Variants in TFCP2 observed in about 807,000 individuals in gnomAD.
TFCP2 encodes the protein transcription factor CP2.
Under a neutral mutation model 73.4 loss-of-function variants are expected in TFCP2, and 33 were observed. The ratio of observed to expected loss-of-function variants is 0.45; its 90% CI spans 0.34 to 0.60. The LOEUF (loss-of-function observed/expected upper bound fraction) is 0.60, where lower values mean the gene tolerates loss of function less well. TFCP2 is among the 20% of genes least tolerant of loss of function. The pLI, the probability that TFCP2 is intolerant of heterozygous loss-of-function variation, is 0.01. For missense variants in TFCP2, 352 were observed against 604.0 expected, an observed-to-expected ratio of 0.58 and a Z score of 4.37; for synonymous variants, 193 against 211.6, an observed-to-expected ratio of 0.91 and a Z score of 0.76.
At position 51,136,330 on chromosome 12, in the gene TFCP2, G is replaced by A. The variant is rs944873052; in HGVS notation, c.123-17558C>T. On this transcript the variant is annotated intron_variant, in intron 1 of 14. Transcript: ENST00000257915. ...AAAAAAAAAAAAAGAAAAAGAAAAA[G>A]AAGGTTCCCTGACGGAGCATAACAT... Among the ~76,000 whole-genome samples, 16 of 150,176 alleles carry A rather than the reference G, an allele frequency of 1.1e-4. No homozygotes were observed. The East Asian group carries it at 3.1e-3, about 29-fold the overall frequency.
At chr12:51,098,638 T>G in intron 13 of TFCP2, 138 bp downstream of exon 13, 1 of 939,378 alleles carries the variant, frequency 1.1e-6, no homozygotes, top group African/African-American at 1.7e-5. Context: ...AAAAAAAAAA[T>G]TAGGAGGAAA....
At chr12:51,154,539 C>T (rs755327832) in intron 1 of TFCP2, among the ~76,000 whole-genome samples, 3 of 152,030 alleles carry the variant, frequency 2.0e-5, no homozygotes, top group Non-Finnish European at 4.4e-5. Flanking sequence ...ATTAAAAATA[C>T]AGAAATTAGC....
chr12:51,114,476 G>A (rs1940472363), intron 4 of TFCP2, among the ~76,000 whole-genome samples: 1 of 151,794 alleles, frequency 6.6e-6, no homozygotes, highest in Admixed American at 6.6e-5. Flanking sequence ...GTGGTGGCGG[G>A]CACCTGTAAT....
Position 51,098,791 on chromosome 12 carries a change from C to G in TFCP2, c.1404G>C (p.Val468=). 6.2e-7 allele frequency: 1 copy of G among 1,614,126 alleles called. No homozygotes were observed. Among genetic ancestry groups the G allele is most frequent in the South Asian group, 1.1e-5 (1 of 91,082 alleles). ...IYKQGPTGIH[V]LISDEMIQNF... is the part of the protein sequence containing the mutation. Reference sequence around the variant, plus strand: ...AAAAATCTACCTCATCACTGATGAGCACATGAATTCCTGTTGGCCCCTGCT... The same window carrying G: ...AAAAATCTACCTCATCACTGATGAGGACATGAATTCCTGTTGGCCCCTGCT... Residue 468 remains valine (V), a synonymous_variant, in exon 13 of 15, where the codon GTG becomes GTC. Transcript: ENST00000257915.
intron 1 of TFCP2, among the ~76,000 whole-genome samples, chr12:51,168,160 C>G (rs1941791992): frequency 6.6e-6 from 1 of 152,110 alleles, no homozygotes. Context: ...CTTTGGGAGG[C>G]CAAGGGGGAA....
At chr12:51,105,100 CT>C (rs1158270093) in intron 8 of TFCP2, among the ~76,000 whole-genome samples, 46 of 138,768 alleles carry the variant, frequency 3.3e-4, no homozygotes, top group Admixed American at 2.9e-4. Context: ...TTTTCTTTTT[CT>C]TTTTTTTTTT....
At position 51,093,903 on chromosome 12, in the gene TFCP2, A is replaced by T. The variant is rs763747869; in HGVS notation, c.*1338T>A. 3.3e-5 allele frequency: 5 copies of T among 151,618 alleles called. No homozygotes were observed. The highest frequency in any genetic ancestry group is 5.9e-5 in the Non-Finnish European group (4 of 67,914). 9.4% of individuals were successfully genotyped at this position (151,618 alleles called of 1,614,324 possible). ...CAATCTTAGAACATTATCTTTGTGT[A>T]CCTCAACATAACCTGTAAAAGTATT... On this transcript the variant is annotated 3_prime_UTR_variant, in exon 15 of 15. Coordinates refer to ENST00000257915, the MANE Select transcript of TFCP2 (RefSeq NM_005653.5).
chr12:51,150,367 G>A (rs745476913), intron 1 of TFCP2, among the ~76,000 whole-genome samples: 3 of 151,954 alleles, frequency 2.0e-5, no homozygotes, highest in Non-Finnish European at 4.4e-5. Flanking sequence ...GCAGTGAGCC[G>A]AGATTGTGCC....
rs60318954 is a variant in TFCP2 at position 51,149,024 on chromosome 12, C to CAAA, written c.122+23274_122+23276dup. Reference sequence around the variant, plus strand: ...TGAGCAACAGAGCAAGACTCCATCTCAAAAAAAAAAAAAAAAACAGAAAGA... The same window carrying CAAA: ...TGAGCAACAGAGCAAGACTCCATCTCAAAAAAAAAAAAAAAAAAAACAGAAAGA... On this transcript the variant is annotated intron_variant, in intron 1 of 14. Transcript: ENST00000257915. Among the ~76,000 whole-genome samples, 41 of 37,992 alleles carry CAAA rather than the reference C, an allele frequency of 1.1e-3. 1 individual carries two copies. Among genetic ancestry groups the CAAA allele is most frequent in the African/African-American group, 1.7e-3 (19 of 11,054 alleles). 24.9% of individuals were successfully genotyped at this position (37,992 alleles called of 152,430 possible).
At chr12:51,132,581 C>T (rs996793177) in intron 1 of TFCP2, among the ~76,000 whole-genome samples, 2 of 151,410 alleles carry the variant, frequency 1.3e-5, no homozygotes, top group Non-Finnish European at 2.9e-5. Context: ...ATGCTGGCCA[C>T]GCTGGTCTCG....
At chr12:51,151,728 G>A (rs7955251) in intron 1 of TFCP2, among the ~76,000 whole-genome samples, 38,469 of 152,156 alleles carry the variant, frequency 0.25, 5,154 homozygotes, top group South Asian at 0.36. Flanking sequence ...GAGCCACCAC[G>A]CCCGGCCAAT....
rs555588524 is a variant in TFCP2, at chr12:51,144,089, G to C, written c.123-25317C>G. Among the ~76,000 whole-genome samples the C allele has an allele frequency of 2.6e-4, 39 of 152,206 alleles. No homozygotes were observed. The South Asian group carries it at 4.3e-3, about 17-fold the overall frequency. On this transcript the variant is annotated intron_variant, in intron 1 of 14. Transcript: ENST00000257915. ...ATTGCTGCCCAGGCCAAGTGCAGTG[G>C]CATAATCATGGCTCACTGCAGCTTC... is the stretch of plus-strand genomic sequence containing the variant.
intron 4 of TFCP2, among the ~76,000 whole-genome samples, chr12:51,114,563 C>A (rs1383197201): frequency 5.3e-5 from 8 of 151,880 alleles, no homozygotes. Flanking sequence ...CAAGATCATG[C>A]CACTGCACTC....
chr12:51,132,270 T>A (rs544983190), intron 1 of TFCP2, among the ~76,000 whole-genome samples: 1 of 151,184 alleles, frequency 6.6e-6, no homozygotes, highest in South Asian at 2.1e-4. Flanking sequence ...CAGCACTCCT[T>A]CCACACTGGA....
chr12:51,121,278 G>A (rs541575362), intron 1 of TFCP2, among the ~76,000 whole-genome samples: 14 of 151,784 alleles, frequency 9.2e-5, no homozygotes, highest in South Asian at 4.2e-4. Context: ...AAAATTAGCC[G>A]GGCGCGTTGG....
Position 51,101,998 on chromosome 12 carries a change from T to A in TFCP2, c.1088A>T (p.Asp363Val), listed in dbSNP as rs1940121419. 1 of 1,612,822 alleles carries A rather than the reference T, an allele frequency of 6.2e-7. No individual in the cohort carries two copies. The highest frequency in any genetic ancestry group is 8.5e-7 in the Non-Finnish European group (1 of 1,179,152). ...SGADLLKLTR[D>V]DVIQICGPAD... ...AGGGCCACAGATTTGGATCACATCA[T>A]CTCTAGTTAATTTCAATAAATCTGC... Residue 363 changes from aspartate to valine, a missense_variant, in exon 11 of 15, where the codon GAT (aspartate) becomes GTT (valine). Coordinates refer to ENST00000257915, the MANE Select transcript of TFCP2 (RefSeq NM_005653.5).
At chr12:51,128,268 T>C (rs1331510972) in intron 1 of TFCP2, among the ~76,000 whole-genome samples, 1 of 152,078 alleles carries the variant, frequency 6.6e-6, no homozygotes, top group Non-Finnish European at 1.5e-5. Flanking sequence ...CCGTACCTTA[T>C]ACCAGAGTTG....
chr12:51,169,689 C>T (rs766548500), intron 1 of TFCP2, among the ~76,000 whole-genome samples: 5 of 152,094 alleles, frequency 3.3e-5, no homozygotes, highest in Non-Finnish European at 5.9e-5. Context: ...TGCCACTGCA[C>T]CCCAGCCTGA....
intron 1 of TFCP2, among the ~76,000 whole-genome samples, chr12:51,132,690 T>C (rs1940976207): frequency 6.6e-6 from 1 of 152,042 alleles, no homozygotes; most frequent in Non-Finnish European, 1.5e-5. Flanking sequence ...TTAAGAAGTA[T>C]CGCTAGCTTT....
Sources: allele counts gnomAD v4.1 joint callset (sites outside exome capture counted in the v4.1 genomes callset), GRCh38; gene constraint gnomAD v4.1.1; transcripts MANE v1.5; gene names NCBI Gene and HGNC (gene_info 2026-07-23, HGNC 2026-07-21).